The following MEIS2 variants were observed in gnomAD, a reference collection of about 807,000 sequenced individuals.
MEIS2 encodes Meis homeobox 2, also known as homeobox protein Meis2.
In MEIS2, 9 loss-of-function variants were observed where a neutral mutation model predicts 58.6. That is an observed-to-expected ratio of 0.15 (90% CI 0.09 to 0.27). MEIS2 has a LOEUF of 0.27. Ranked by LOEUF, MEIS2 falls within the 10% of genes least tolerant of loss-of-function variation. MEIS2 has a pLI of 1.00. For synonymous variants in MEIS2, 221 were observed against 228.4 expected, an observed-to-expected ratio of 0.97 and a Z score of 0.29; for missense variants, 427 against 635.0, an observed-to-expected ratio of 0.67 and a Z score of 3.52.
At chr15:36,920,889 G>A (rs2057479512) in intron 9 of MEIS2, among the ~76,000 whole-genome samples, 1 of 152,126 alleles carries the variant, frequency 6.6e-6, no homozygotes, top group Non-Finnish European at 1.5e-5. Context: ...AAATATGGGT[G>A]GAAGCTGAAA....
intron 7 of MEIS2, among the ~76,000 whole-genome samples, chr15:37,060,863 C>T (rs570566182): frequency 6.6e-6 from 1 of 152,216 alleles, no homozygotes; most frequent in Non-Finnish European, 1.5e-5. Context: ...CATGTTTTAT[C>T]TGCCAAGGGA....
At chr15:37,051,355 C>T (rs2062911290) in intron 7 of MEIS2, among the ~76,000 whole-genome samples, 1 of 152,178 alleles carries the variant, frequency 6.6e-6, no homozygotes, top group African/African-American at 2.4e-5. Context: ...GAGAAAGCCA[C>T]ACGCAAAAGG....
At chr15:36,927,946 A>G (rs1201748844) in intron 9 of MEIS2, among the ~76,000 whole-genome samples, 1 of 152,166 alleles carries the variant, frequency 6.6e-6, no homozygotes, top group Non-Finnish European at 1.5e-5. Context: ...GAGGAAGGAA[A>G]AAATACTGCT....
chr15:36,943,024 C>G (rs956548363), intron 9 of MEIS2, among the ~76,000 whole-genome samples: 3 of 151,888 alleles, frequency 2.0e-5, no homozygotes, highest in African/African-American at 7.3e-5. Context: ...TTTGAAAATT[C>G]CTTTTTTAAA....
intron 7 of MEIS2, among the ~76,000 whole-genome samples, chr15:37,043,039 G>A (rs1230997504): frequency 1.3e-5 from 2 of 152,136 alleles, no homozygotes; most frequent in South Asian, 2.1e-4. Flanking sequence ...ATGCTTCTGC[G>A]ACATTTGGCA....
intron 8 of MEIS2, among the ~76,000 whole-genome samples, chr15:36,965,871 T>C (rs2059337390): frequency 6.6e-6 from 1 of 152,186 alleles, no homozygotes; most frequent in Non-Finnish European, 1.5e-5. Flanking sequence ...TCATTCATTC[T>C]GGGAAATTAA....
intron 7 of MEIS2, among the ~76,000 whole-genome samples, chr15:37,042,123 C>T (rs1202246540): frequency 6.6e-6 from 1 of 152,134 alleles, no homozygotes; most frequent in Non-Finnish European, 1.5e-5. Context: ...TGCACTCTCG[C>T]CTGGGCAGCG....
intron 7 of MEIS2, among the ~76,000 whole-genome samples, chr15:37,055,075 T>G (rs952882734): frequency 6.6e-6 from 1 of 152,162 alleles, no homozygotes; most frequent in Non-Finnish European, 1.5e-5. Context: ...CAAGGTCTTA[T>G]AGGTAACAGT....
intron 8 of MEIS2, among the ~76,000 whole-genome samples, chr15:37,015,944 T>C (rs2061336127): frequency 6.6e-6 from 1 of 152,116 alleles, no homozygotes; most frequent in South Asian, 2.1e-4. Context: ...CCCACATTTA[T>C]GAAGTGGAAG....
chr15:36,912,924 A>G (rs1186805824), intron 9 of MEIS2, among the ~76,000 whole-genome samples: 1 of 151,924 alleles, frequency 6.6e-6, no homozygotes, highest in Non-Finnish European at 1.5e-5. Context: ...CCCGTCCCTC[A>G]GGCTGTGGAA....
At chr15:36,954,164 A>T (rs2141403428) in intron 8 of MEIS2, among the ~76,000 whole-genome samples, 1 of 152,264 alleles carries the variant, frequency 6.6e-6, no homozygotes, top group South Asian at 2.1e-4. Context: ...ACTGGATGAC[A>T]GTTAAATAAA....
intron 9 of MEIS2, among the ~76,000 whole-genome samples, chr15:36,924,558 C>T (rs2057664410): frequency 6.6e-6 from 1 of 152,104 alleles, no homozygotes; most frequent in Non-Finnish European, 1.5e-5. Context: ...TTATAAAGGG[C>T]GCCAGTGAGG....
chr15:37,053,834 G>C (rs1424618779), intron 7 of MEIS2, among the ~76,000 whole-genome samples: 1 of 152,160 alleles, frequency 6.6e-6, no homozygotes, highest in African/African-American at 2.4e-5. Context: ...GATAACTATT[G>C]GATTAGTTAT....
chr15:37,035,879 T>G (rs1431071154), intron 8 of MEIS2, among the ~76,000 whole-genome samples: 2 of 152,112 alleles, frequency 1.3e-5, no homozygotes, highest in African/African-American at 4.8e-5. Flanking sequence ...AACACACAAG[T>G]TGGATAATCA....
At chr15:37,082,698 C>T (rs1892392108) in intron 7 of MEIS2, among the ~76,000 whole-genome samples, 1 of 152,090 alleles carries the variant, frequency 6.6e-6, no homozygotes. Flanking sequence ...TTGCTTAAAC[C>T]TAGATTCTAA....
intron 7 of MEIS2, among the ~76,000 whole-genome samples, chr15:37,037,432 C>T (rs961114458): frequency 6.6e-6 from 1 of 152,154 alleles, no homozygotes; most frequent in Non-Finnish European, 1.5e-5. Flanking sequence ...CCTCCTAGAG[C>T]TGTCACCTCC....
chr15:37,064,078 G>A (rs1374427290), intron 7 of MEIS2, among the ~76,000 whole-genome samples: 1 of 152,096 alleles, frequency 6.6e-6, no homozygotes, highest in East Asian at 1.9e-4. Flanking sequence ...GTCTGTAAAA[G>A]CAAAAACTAA....
At chr15:37,057,463 C>G (rs1033753892) in intron 7 of MEIS2, among the ~76,000 whole-genome samples, 6 of 152,122 alleles carry the variant, frequency 3.9e-5, no homozygotes, top group Non-Finnish European at 8.8e-5. Flanking sequence ...CTGTCACACA[C>G]AAAGTCGGAG....
intron 8 of MEIS2, among the ~76,000 whole-genome samples, chr15:37,017,793 T>G (rs1044904591): frequency 4.3e-4 from 66 of 152,298 alleles, no homozygotes; most frequent in African/African-American, 1.5e-3. Context: ...CTTCATTTAT[T>G]TCTATCTCAC....
Sources: gnomAD v4.1 joint callset for allele counts (sites outside exome capture counted in the v4.1 genomes callset) on GRCh38, gnomAD v4.1.1 for gene constraint, MANE v1.5 for transcripts, NCBI Gene and HGNC (gene_info 2026-07-23, HGNC 2026-07-21) for gene names.